LRP1B: variants seen among roughly 807,000 people sequenced by gnomAD.
LRP1B encodes the protein LDL receptor related protein 1B.
In LRP1B, 217 loss-of-function variants were observed where a neutral mutation model predicts 556.6. The observed-to-expected ratio is 0.39, with a 90% CI of 0.35 to 0.44. The LOEUF (loss-of-function observed/expected upper bound fraction) is 0.44. Ranked by LOEUF, LRP1B falls within the 20% of genes least tolerant of loss-of-function variation. The pLI is 1.00. For missense variants in LRP1B, 5,053 were observed against 5,620.8 expected (o/e 0.90, Z 3.23); for synonymous variants, 2,047 against 1,865.8 (o/e 1.10, Z -2.50).
chr2:141,365,255 G>T (rs1326698738), intron 3 of LRP1B, among the ~76,000 whole-genome samples: 1 of 151,906 alleles, frequency 6.6e-6, no homozygotes, highest in African/African-American at 2.4e-5. Flanking sequence ...GTAGAGCTAG[G>T]GTATCTATGT....
intron 29 of LRP1B, among the ~76,000 whole-genome samples, chr2:140,842,865 T>C (rs1692152282): frequency 1.3e-5 from 2 of 152,206 alleles, no homozygotes; most frequent in South Asian, 4.1e-4. Context: ...AAATGGGCTA[T>C]AGATAACACA....
At chr2:141,753,478 G>C (rs149244728) in intron 2 of LRP1B, among the ~76,000 whole-genome samples, 120 of 151,640 alleles carry the variant, frequency 7.9e-4, no homozygotes, top group African/African-American at 2.2e-3. Flanking sequence ...GAGGGTGTGC[G>C]TATTAGACTT....
At chr2:141,723,412 A>T (rs1192573517) in intron 2 of LRP1B, among the ~76,000 whole-genome samples, 1 of 151,258 alleles carries the variant, frequency 6.6e-6, no homozygotes, top group Non-Finnish European at 1.5e-5. Flanking sequence ...TAGTTGCCTC[A>T]CATGTTGTAC....
intron 2 of LRP1B, among the ~76,000 whole-genome samples, chr2:141,775,654 A>G (rs1695043093): frequency 6.6e-6 from 1 of 152,212 alleles, no homozygotes; most frequent in Non-Finnish European, 1.5e-5. Flanking sequence ...AAATGGTACT[A>G]GCATTAAAGA....
intron 43 of LRP1B, among the ~76,000 whole-genome samples, chr2:140,548,796 G>T (rs912983324): frequency 1.3e-5 from 2 of 151,832 alleles, no homozygotes; most frequent in East Asian, 1.9e-4. Context: ...ATGGTTGTGC[G>T]TGCCTGTAAT....
chr2:141,266,592 G>A (rs1684900324), intron 3 of LRP1B, among the ~76,000 whole-genome samples: 1 of 152,084 alleles, frequency 6.6e-6, no homozygotes, highest in South Asian at 2.1e-4. Context: ...TGTTATGCCT[G>A]CAAGTTAAGA....
At chr2:140,892,771 T>G (rs1276492724) in intron 23 of LRP1B, among the ~76,000 whole-genome samples, 1 of 152,108 alleles carries the variant, frequency 6.6e-6, no homozygotes, top group Non-Finnish European at 1.5e-5. Context: ...TGTATTGATA[T>G]GGTAGAATGG....
intron 46 of LRP1B, 128 bp downstream of exon 46, chr2:140,536,453 T>A: frequency 1.2e-6 from 1 of 822,914 alleles, no homozygotes; most frequent in South Asian, 1.9e-5. Flanking sequence ...ATCAATTGCC[T>A]TAGATACAGG....
intron 41 of LRP1B, among the ~76,000 whole-genome samples, chr2:140,668,131 T>C (rs1397019949): frequency 2.0e-5 from 3 of 151,632 alleles, no homozygotes; most frequent in African/African-American, 7.3e-5. Context: ...GCTAACATGG[T>C]GAAACCCCGT....
chr2:141,314,248 G>C (rs1161474030), intron 3 of LRP1B, among the ~76,000 whole-genome samples: 1 of 152,080 alleles, frequency 6.6e-6, no homozygotes, highest in Non-Finnish European at 1.5e-5. Context: ...CTTTCCCTAA[G>C]ACTTTTGTCC....
intron 49 of LRP1B, among the ~76,000 whole-genome samples, chr2:140,522,440 G>A (rs1028048746): frequency 2.6e-5 from 4 of 151,698 alleles, no homozygotes; most frequent in African/African-American, 7.3e-5. Flanking sequence ...TTAAAAGGAA[G>A]GTTTATAGTA....
chr2:140,397,175 A>G (rs1558854051), intron 66 of LRP1B, among the ~76,000 whole-genome samples: 1 of 151,840 alleles, frequency 6.6e-6, no homozygotes, highest in Admixed American at 6.6e-5. Flanking sequence ...CTTTTTTAAC[A>G]TTTTTTCTAA....
At chr2:141,880,872 CTTATTCTT>C (rs1698936313) in intron 1 of LRP1B, among the ~76,000 whole-genome samples, 2 of 59,080 alleles carry the variant, frequency 3.4e-5, no homozygotes, top group Admixed American at 5.0e-4. Context: ...ATTATGATAA[CTTATTCTT>C]ATTTTGATTC....
intron 1 of LRP1B, among the ~76,000 whole-genome samples, chr2:142,032,425 T>C (rs1703742035): frequency 6.6e-6 from 1 of 151,834 alleles, no homozygotes; most frequent in Non-Finnish European, 1.5e-5. Flanking sequence ...CTAACCATGC[T>C]CAAGTTTTTC....
intron 3 of LRP1B, among the ~76,000 whole-genome samples, chr2:141,330,004 A>T (rs202193073): frequency 0.62 from 86,044 of 138,194 alleles, 25,507 homozygotes; most frequent in African/African-American, 0.71. Flanking sequence ...ATTATAGATA[A>T]AAAAAAAAAG....
At chr2:141,544,189 T>C (rs904970516) in intron 2 of LRP1B, among the ~76,000 whole-genome samples, 1 of 152,082 alleles carries the variant, frequency 6.6e-6, no homozygotes, top group African/African-American at 2.4e-5. Context: ...AGATCCTGTT[T>C]AGGGTATTAA....
chr2:141,613,433 A>C (rs1405377481), intron 2 of LRP1B, among the ~76,000 whole-genome samples: 1 of 152,110 alleles, frequency 6.6e-6, no homozygotes, highest in Non-Finnish European at 1.5e-5. Context: ...CGCCACATGA[A>C]CTTTCACATT....
chr2:141,067,982 C>A (rs1308476050), intron 7 of LRP1B, among the ~76,000 whole-genome samples: 1 of 151,970 alleles, frequency 6.6e-6, no homozygotes, highest in Non-Finnish European at 1.5e-5. Flanking sequence ...TCCATCTTTG[C>A]TTCCTGTCCT....
chr2:140,786,147 T>C (rs1559118324), intron 32 of LRP1B, among the ~76,000 whole-genome samples: 1 of 152,190 alleles, frequency 6.6e-6, no homozygotes, highest in Non-Finnish European at 1.5e-5. Flanking sequence ...AGGCCATCCA[T>C]GATTAGATGC....
Sources: allele counts gnomAD v4.1 joint callset (sites outside exome capture counted in the v4.1 genomes callset), GRCh38; gene constraint gnomAD v4.1.1; transcripts MANE v1.5; gene names NCBI Gene and HGNC (gene_info 2026-07-23, HGNC 2026-07-21).